The following UBE3B variants were observed in gnomAD, a reference collection of about 807,000 sequenced individuals.
UBE3B encodes ubiquitin-protein ligase E3B.
Under a neutral mutation model 132.3 loss-of-function variants are expected in UBE3B, and 80 were observed. The ratio of observed to expected loss-of-function variants is 0.60; its 90% CI spans 0.50 to 0.73. The LOEUF (loss-of-function observed/expected upper bound fraction) is 0.73. Among genes scored for constraint, UBE3B ranks in the 30% least tolerant of loss-of-function variants. The probability of loss-of-function intolerance (pLI) is 0.00; values close to 1 mark genes in which losing one functional copy is unlikely to be tolerated. For missense variants in UBE3B, 1,196 were observed against 1,362.5 expected, an observed-to-expected ratio of 0.88 and a Z score of 1.92; for synonymous variants, 487 against 520.4, an observed-to-expected ratio of 0.94 and a Z score of 0.87.
chr12:109,515,634 G>T (rs1213167649), intron 18 of UBE3B, among the ~76,000 whole-genome samples: 1 of 152,190 alleles, frequency 6.6e-6, no homozygotes, highest in Admixed American at 6.5e-5. Context: ...CTCTCAAAGT[G>T]CTGGGATTAC....
In UBE3B at chr12:109,516,866, C is replaced by A; in HGVS notation, c.2058C>A (p.Arg686=). 1 of 1,614,026 alleles carries A rather than the reference C, an allele frequency of 6.2e-7. No individual in the cohort carries two copies. Among genetic ancestry groups the A allele is most frequent in the Non-Finnish European group, 8.5e-7 (1 of 1,179,996 alleles). ...ASPHVTHITI[R]RSRMLEDGYE... ...CGCATGTCACTCACATCACCATCCGCCGGTCCAGGATGCTGGAGGTGAGTG... is the reference window on the plus strand; with the variant it reads ...CGCATGTCACTCACATCACCATCCGACGGTCCAGGATGCTGGAGGTGAGTG... Residue 686 remains arginine (R), a synonymous_variant, in exon 19 of 28, where the codon CGC becomes CGA. Coordinates refer to ENST00000342494, the MANE Select transcript of UBE3B (RefSeq NM_130466.4).
intron 8 of UBE3B, 21 bp downstream of exon 8, chr12:109,490,025 A>G (rs919180734): frequency 5.0e-6 from 8 of 1,610,034 alleles, no homozygotes; most frequent in East Asian, 4.5e-5. Context: ...CCTGCCCCCC[A>G]GTGTGCAACT....
downstream of UBE3B, among the ~76,000 whole-genome samples, chr12:109,540,001 G>A (rs551981400): frequency 2.0e-4 from 31 of 151,974 alleles, no homozygotes; most frequent in Non-Finnish European, 3.5e-4. Flanking sequence ...ACCTTCCACC[G>A]AGAGAGCCAG....
Position 109,524,029 on chromosome 12 carries a change from G to A in UBE3B, c.2416G>A (p.Gly806Arg), listed in dbSNP as rs1212180878. The A allele has an allele frequency of 6.2e-7, 1 of 1,614,114 alleles. No homozygotes were observed. Among genetic ancestry groups the A allele is most frequent in the Non-Finnish European group, 8.5e-7 (1 of 1,180,026 alleles). ...ATCCTTCTTCCTGAGCCAACTGCTTGGGCACCACCACAGCGTCTTCTATAG... is the reference window on the plus strand; with the variant it reads ...ATCCTTCTTCCTGAGCCAACTGCTTAGGCACCACCACAGCGTCTTCTATAG... ...FASFFLSQLL[G>R]HHHSVFYSSV... Residue 806 changes from glycine (G) to arginine (R), a missense_variant, in exon 22 of 28, where the codon GGG becomes AGG. Transcript: ENST00000342494.
At chr12:109,538,580 C>T (rs1438735102), downstream of UBE3B, among the ~76,000 whole-genome samples, 2 of 152,204 alleles carry the variant, frequency 1.3e-5, no homozygotes, top group African/African-American at 2.4e-5. This position sits in a 1 kb window ranked among gnomAD's most constrained non-coding sequence, Gnocchi z 4.1. Flanking sequence ...AGTACGCATC[C>T]GTTAGTCCTC....
chr12:109,530,185 T>A, intron 25 of UBE3B, 113 bp downstream of exon 25: 1 of 1,251,828 alleles, frequency 8.0e-7, no homozygotes, highest in South Asian at 1.4e-5. Flanking sequence ...CCAGATCTCC[T>A]TCTCCTCCCT....
rs568416862 is a variant in UBE3B, at chr12:109,489,810, G to GT, written c.545-109_545-108insT. On this transcript the variant is annotated intron_variant, in intron 7 of 27. Coordinates refer to ENST00000342494, the MANE Select transcript of UBE3B (RefSeq NM_130466.4). Reference sequence around the variant, plus strand: ...AAGGGAAAAGGGAGGCAAGCCAGGGGGTATCTCATTTCTTAGGGCCTCGGA... The same window carrying GT: ...AAGGGAAAAGGGAGGCAAGCCAGGGGTGTATCTCATTTCTTAGGGCCTCGGA... 1.4e-4 allele frequency: 138 copies of GT among 993,720 alleles called. No individual in the cohort carries two copies. The African/African-American group carries it at 2.1e-3, about 15-fold the overall frequency. The allele number at this position is 993,720 out of a possible 1,614,324, so 61.6% of individuals were successfully genotyped here. A position where few individuals can be genotyped will look rare whatever the true frequency, so the allele number is the denominator to read the frequency against.
intron 24 of UBE3B, among the ~76,000 whole-genome samples, chr12:109,527,553 A>G (rs1882485831): frequency 2.0e-5 from 3 of 152,190 alleles, no homozygotes; most frequent in Admixed American, 2.0e-4. Flanking sequence ...GTCAGTCTGC[A>G]AGCTTGGGAC....
chr12:109,500,703 C>T (rs1318782723), intron 12 of UBE3B, among the ~76,000 whole-genome samples: 4 of 152,178 alleles, frequency 2.6e-5, no homozygotes, highest in South Asian at 2.1e-4. Flanking sequence ...GGGACTTGGA[C>T]GACTTGCTTT....
the UBE3B span, among the ~76,000 whole-genome samples, chr12:109,547,494 C>T: frequency 5.9e-5 from 9 of 152,372 alleles, no homozygotes; most frequent in African/African-American, 7.2e-5. The surrounding 1 kb of genome is among the most constrained non-coding windows in gnomAD (Gnocchi z 4.1). Context: ...CATGCATGCA[C>T]GGTGGGGCAC....
At position 109,535,013 on chromosome 12, in the gene UBE3B, G is replaced by C. The variant is rs1048141504; in HGVS notation, c.*231G>C. 2.6e-6 allele frequency: 1 copy of C among 391,902 alleles called. No homozygotes were observed. Among genetic ancestry groups the C allele is most frequent in the Non-Finnish European group, 4.5e-6 (1 of 222,128 alleles). 24.3% of individuals were successfully genotyped at this position (391,902 alleles called of 1,614,324 possible). A position where few individuals can be genotyped will look rare whatever the true frequency, so the allele number is the denominator to read the frequency against. On this transcript the variant is annotated 3_prime_UTR_variant, in exon 28 of 28. Transcript: ENST00000342494. ...CAGGGCTGCAGAAAATAAACCTCCA[G>C]ATTCCACCAACACGGGTCCATTCTT...
In UBE3B at chr12:109,534,313, C is replaced by G; in HGVS notation, c.3016-278C>G. Reference sequence around the variant, plus strand: ...ATTCTACTTTTTGTCAATTGGTTAACCAGTAATTCGCTGTGAACCGGAAGG... The same window carrying G: ...ATTCTACTTTTTGTCAATTGGTTAAGCAGTAATTCGCTGTGAACCGGAAGG... On this transcript the variant is annotated intron_variant, in intron 27 of 27. Coordinates refer to ENST00000342494, the MANE Select transcript of UBE3B (RefSeq NM_130466.4). The surrounding 1 kb of genome is among the most constrained non-coding windows in gnomAD (Gnocchi z 5.2). 7.2e-7 allele frequency: 1 copy of G among 1,397,640 alleles called. No homozygotes were observed. Among genetic ancestry groups the G allele is most frequent in the Non-Finnish European group, 9.3e-7 (1 of 1,079,382 alleles). The allele number at this position is 1,397,640 out of a possible 1,614,324, so 86.6% of individuals were successfully genotyped here. A position where few individuals can be genotyped will look rare whatever the true frequency, so the allele number is the denominator to read the frequency against.
intron 26 of UBE3B, among the ~76,000 whole-genome samples, 173 bp from the exon 27 acceptor site, chr12:109,533,293 T>C (rs1353735154): frequency 6.6e-6 from 1 of 152,032 alleles, no homozygotes; most frequent in East Asian, 1.9e-4. Flanking sequence ...GAGAGAGATG[T>C]ACGGCGTGTG....
At chr12:109,530,733 C>A (rs534314918) in intron 26 of UBE3B, 75 bp downstream of exon 26, 175 of 1,421,564 alleles carry the variant, frequency 1.2e-4, no homozygotes, top group Middle Eastern at 5.4e-4. Context: ...TAATAATTTA[C>A]GCTGAAGAAA....
intron 10 of UBE3B, 99 bp from the exon 11 acceptor site, chr12:109,498,134 T>A: frequency 6.5e-7 from 1 of 1,530,718 alleles, no homozygotes; most frequent in Non-Finnish European, 8.9e-7. Context: ...TGCTAGCACA[T>A]CCTCCATAAC....
rs1207179134 is a variant in UBE3B, at chr12:109,521,840, T to C, written c.2364+289T>C. Among the ~76,000 whole-genome samples the C allele has an allele frequency of 1.3e-5, 2 of 152,116 alleles. No individual in the cohort carries two copies. The highest frequency in any genetic ancestry group is 2.4e-5 in the African/African-American group (1 of 41,412). On this transcript the variant is annotated intron_variant, in intron 21 of 27. Coordinates refer to ENST00000342494, the MANE Select transcript of UBE3B (RefSeq NM_130466.4). The surrounding 1 kb of genome is among the most constrained non-coding windows in gnomAD (Gnocchi z 4.2). Reference sequence around the variant, plus strand: ...CACCTGTCCAGAGTTTCGTTGCTAGTTAAGTGGTAGAGGTGGAATTTGAAC... The same window carrying C: ...CACCTGTCCAGAGTTTCGTTGCTAGCTAAGTGGTAGAGGTGGAATTTGAAC...
chr12:109,528,499 C>T, intron 24 of UBE3B: 3 of 985,222 alleles, frequency 3.0e-6, no homozygotes, highest in Non-Finnish European at 3.6e-6. Context: ...TATTTGGACT[C>T]TACTGATTTG....
At chr12:109,519,365 C>A (rs914256491) in intron 19 of UBE3B, among the ~76,000 whole-genome samples, 3 of 152,180 alleles carry the variant, frequency 2.0e-5, no homozygotes, top group Non-Finnish European at 4.4e-5. Flanking sequence ...ACGCCAGTTC[C>A]CAGAAGGCAG....
intron 11 of UBE3B, among the ~76,000 whole-genome samples, 196 bp from the exon 12 acceptor site, chr12:109,499,436 GC>G (rs1417409952): frequency 1.3e-5 from 2 of 152,212 alleles, no homozygotes; most frequent in Non-Finnish European, 1.5e-5. Flanking sequence ...CTGTGGCATA[GC>G]CAGGATTTGA....
Sources: allele counts gnomAD v4.1 joint callset (sites outside exome capture counted in the v4.1 genomes callset), GRCh38; gene constraint gnomAD v4.1.1; non-coding constraint Gnocchi (gnomAD v3.1); transcripts MANE v1.5; gene names NCBI Gene and HGNC (gene_info 2026-07-23, HGNC 2026-07-21).